The following PSD3 variants were observed in gnomAD, a reference collection of about 807,000 sequenced individuals.
PSD3 encodes pleckstrin and Sec7 domain containing 3.
PSD3 carries 49 observed loss-of-function variants against 105.5 expected under a neutral mutation model. The observed-to-expected ratio is 0.46, with a 90% CI of 0.37 to 0.59. PSD3 has a LOEUF of 0.59. Among genes scored for constraint, PSD3 ranks in the 20% least tolerant of loss-of-function variants. The pLI is 0.00. For synonymous variants in PSD3, 557 were observed against 457.8 expected, an observed-to-expected ratio of 1.22 and a Z score of -2.77; for missense variants, 1,561 against 1,263.8, an observed-to-expected ratio of 1.24 and a Z score of -3.57.
intron 14 of PSD3, among the ~76,000 whole-genome samples, chr8:18,558,128 G>A (rs1280076001): frequency 6.6e-6 from 1 of 152,186 alleles, no homozygotes; most frequent in African/African-American, 2.4e-5. Flanking sequence ...CCAGAACTGT[G>A]AGAAAATAGA....
chr8:19,066,544 C>CA (rs1401816744), intron 1 of PSD3, among the ~76,000 whole-genome samples: 1 of 152,188 alleles, frequency 6.6e-6, no homozygotes, highest in African/African-American at 2.4e-5. Flanking sequence ...GAGTCTGACT[C>CA]AGTCTTTATC....
intron 1 of PSD3, chr8:19,000,693 G>T (rs1362374317): frequency 1.3e-5 from 2 of 151,924 alleles, no homozygotes; most frequent in Non-Finnish European, 2.9e-5. Flanking sequence ...AACAGGAGAT[G>T]AAGCCACTGT....
At chr8:18,677,764 C>T (rs1800140416) in intron 9 of PSD3, among the ~76,000 whole-genome samples, 1 of 152,122 alleles carries the variant, frequency 6.6e-6, no homozygotes, top group African/African-American at 2.4e-5. Flanking sequence ...GTAATCTCAG[C>T]ACTGTGGGAG....
intron 4 of PSD3, among the ~76,000 whole-genome samples, chr8:18,827,924 G>T (rs1172370939): frequency 3.7e-5 from 5 of 136,148 alleles, no homozygotes. Flanking sequence ...GAAGGCAGCA[G>T]ATTAAAAAAA....
chr8:18,784,037 T>C (rs1306736827), intron 8 of PSD3, among the ~76,000 whole-genome samples: 2 of 152,224 alleles, frequency 1.3e-5, no homozygotes, highest in African/African-American at 4.8e-5. Flanking sequence ...CTTTAATTGA[T>C]TTCTAATATC....
At chr8:18,879,578 T>A (rs1817982765) in intron 2 of PSD3, among the ~76,000 whole-genome samples, 1 of 151,946 alleles carries the variant, frequency 6.6e-6, no homozygotes, top group Non-Finnish European at 1.5e-5. Flanking sequence ...TGAGAGATCA[T>A]CATTCATCAT....
intron 15 of PSD3, 51 bp downstream of exon 15, chr8:18,556,158 T>C: frequency 6.3e-7 from 1 of 1,597,928 alleles, no homozygotes. Context: ...CATGGACAGA[T>C]CATAAGAAAA....
chr8:18,748,510 A>G (rs941860812), intron 9 of PSD3, among the ~76,000 whole-genome samples: 4 of 151,906 alleles, frequency 2.6e-5, no homozygotes, highest in Admixed American at 6.6e-5. Flanking sequence ...AATACAAAAA[A>G]TTAGCCGGGC....
chr8:18,931,851 G>T (rs1821770083), intron 2 of PSD3, among the ~76,000 whole-genome samples: 1 of 152,186 alleles, frequency 6.6e-6, no homozygotes, highest in Non-Finnish European at 1.5e-5. Flanking sequence ...GGAGTGGGGT[G>T]ATGTGACTTT....
intron 2 of PSD3, among the ~76,000 whole-genome samples, chr8:18,902,928 T>G (rs1440647303): frequency 6.6e-6 from 1 of 152,176 alleles, no homozygotes; most frequent in Non-Finnish European, 1.5e-5. Flanking sequence ...TCTCTAGGTG[T>G]CAGGTCTGAC....
At chr8:18,874,702 CAAAAAAA>C (rs746055038) in intron 2 of PSD3, among the ~76,000 whole-genome samples, 7 of 52,838 alleles carry the variant, frequency 1.3e-4, no homozygotes, top group Non-Finnish European at 1.9e-4. Context: ...GACTCCATCT[CAAAAAAA>C]AAAAAAAAAA....
intron 15 of PSD3, among the ~76,000 whole-genome samples, chr8:18,555,664 T>C (rs1032024472): frequency 6.6e-6 from 1 of 152,194 alleles, no homozygotes; most frequent in Non-Finnish European, 1.5e-5. Context: ...AGCATATGGA[T>C]CCTCACCATT....
chr8:18,936,151 TAAG>T lies in PSD3; in HGVS notation c.22-12_22-10del. 1 of 1,587,468 alleles carries T rather than the reference TAAG, an allele frequency of 6.3e-7. No individual in the cohort carries two copies. The highest frequency in any genetic ancestry group is 8.6e-7 in the Non-Finnish European group (1 of 1,158,690). On this transcript the variant is annotated splice_polypyrimidine_tract_variant and intron_variant, in intron 1 of 15. Transcript: ENST00000327040. Reference sequence around the variant, plus strand: ...CAAACAAATGTCTCTGCCTGCAAAATAAGAACAAAACAAAGACACATTTAAAAT... The same window carrying T: ...CAAACAAATGTCTCTGCCTGCAAAATAACAAAACAAAGACACATTTAAAAT...
chr8:18,831,679 A>G (rs1284932326), intron 4 of PSD3, among the ~76,000 whole-genome samples: 1 of 152,158 alleles, frequency 6.6e-6, no homozygotes, highest in Admixed American at 6.5e-5. Context: ...CTGAGATGGC[A>G]CCATTGCACT....
At chr8:18,605,038 G>T (rs545799663) in intron 11 of PSD3, among the ~76,000 whole-genome samples, 1 of 152,206 alleles carries the variant, frequency 6.6e-6, no homozygotes, top group Admixed American at 6.5e-5. Flanking sequence ...GCTAATGCAG[G>T]GTTAAAGCCC....
rs1829646963 is a variant in PSD3, at chr8:19,081,580, A to G, written c.324+2626T>C. On this transcript the variant is annotated intron_variant, in intron 1 of 1. Transcript: ENST00000521475. ...CTTGCAGAATTTCGAGATTTTCATAAGAGGAAATAATGCAACGGAAGCCAT... is the reference window on the plus strand; with the variant it reads ...CTTGCAGAATTTCGAGATTTTCATAGGAGGAAATAATGCAACGGAAGCCAT... 3.9e-5 allele frequency among the ~76,000 whole-genome samples: 6 copies of G among 152,220 alleles called. No individual in the cohort carries two copies. The South Asian group carries it at 1.2e-3, about 32-fold the overall frequency.
At chr8:18,682,999 A>ATT (rs970352828) in intron 9 of PSD3, among the ~76,000 whole-genome samples, 4 of 152,122 alleles carry the variant, frequency 2.6e-5, no homozygotes, top group African/African-American at 9.7e-5. Context: ...CTATTATTCC[A>ATT]TTTTTAAACC....
At chr8:19,004,110 T>A (rs923187851) in intron 1 of PSD3, among the ~76,000 whole-genome samples, 41 of 152,106 alleles carry the variant, frequency 2.7e-4, no homozygotes, top group African/African-American at 9.6e-4. Context: ...TTACAGTATC[T>A]AAAAAGATCA....
intron 4 of PSD3, among the ~76,000 whole-genome samples, chr8:18,852,947 T>A (rs1282371344): frequency 6.6e-6 from 1 of 152,158 alleles, no homozygotes. Context: ...GATACTATTA[T>A]CATTCCTATT....
Sources: gnomAD v4.1 joint callset for allele counts (sites outside exome capture counted in the v4.1 genomes callset) on GRCh38, gnomAD v4.1.1 for gene constraint, MANE v1.5 for transcripts, NCBI Gene and HGNC (gene_info 2026-07-23, HGNC 2026-07-21) for gene names.